ARHGAP31: variants seen among roughly 807,000 people sequenced by gnomAD.
ARHGAP31 encodes rho GTPase-activating protein 31.
In ARHGAP31, 34 loss-of-function variants were observed where a neutral mutation model predicts 113.9. That is an observed-to-expected ratio of 0.30 (90% CI 0.23 to 0.40). The LOEUF (loss-of-function observed/expected upper bound fraction) is 0.40. Among genes scored for constraint, ARHGAP31 ranks in the 10% least tolerant of loss-of-function variants. The pLI is 1.00. For synonymous variants in ARHGAP31, 650 were observed against 684.8 expected, an observed-to-expected ratio of 0.95 and a Z score of 0.79; for missense variants, 1,548 against 1,767.1, an observed-to-expected ratio of 0.88 and a Z score of 2.22.
chr3:119,399,752 T>C (rs1015168071), intron 9 of ARHGAP31, among the ~76,000 whole-genome samples: 1 of 152,268 alleles, frequency 6.6e-6, no homozygotes, highest in African/African-American at 2.4e-5. Flanking sequence ...TATTTATTCA[T>C]TCATTTATTA....
At position 119,382,765 on chromosome 3, in the gene ARHGAP31, A is replaced by G. The variant is rs373425593; in HGVS notation, c.540-319A>G. ...AGCTGCTCCATATGATTTCATAAAT[A>G]ATGACCTGCTCCATAGAACAGTTAG... On this transcript the variant is annotated intron_variant, in intron 5 of 11. Transcript: ENST00000264245. Among the ~76,000 whole-genome samples, 4 of 152,366 alleles carry G rather than the reference A, an allele frequency of 2.6e-5. No individual in the cohort carries two copies. In the East Asian group the frequency reaches 7.7e-4, roughly 29 times the overall value.
intron 1 of ARHGAP31, among the ~76,000 whole-genome samples, chr3:119,363,167 G>A (rs774297564): frequency 4.6e-5 from 7 of 152,182 alleles, no homozygotes; most frequent in Non-Finnish European, 8.8e-5. Flanking sequence ...GAGGTGTGGT[G>A]GGGAAAGAGT....
Position 119,416,225 on chromosome 3 carries a change from AG to A in ARHGAP31, c.4297del (p.Val1433Ter), listed in dbSNP as rs1191390866. On this transcript the variant is annotated frameshift_variant, in exon 12 of 12. Transcript: ENST00000264245. LOFTEE classifies it high-confidence loss of function. ...GTTTTTACCAGCCTCAGCGGAGATC[AG>A]TAATTCTGGATGGAAGAAGTGGGAG... The part of the protein sequence containing the change: ...SCFYQPQRRS[V>X]ILDGRSGRQI... The A allele has an allele frequency of 6.2e-7, 1 of 1,614,134 alleles. No homozygotes were observed. Among genetic ancestry groups the A allele is most frequent in the African/African-American group, 1.3e-5 (1 of 74,942 alleles).
At chr3:119,324,887 A>T (rs2079828394) in intron 1 of ARHGAP31, 1 of 454,798 alleles carries the variant, frequency 2.2e-6, no homozygotes, top group Non-Finnish European at 4.4e-6. Context: ...TTGGTCTCTC[A>T]GTTTGCAGAT....
At position 119,415,737 on chromosome 3, in the gene ARHGAP31, A is replaced by C; in HGVS notation, c.3808A>C (p.Ile1270Leu). 1 of 1,614,196 alleles carries C rather than the reference A, an allele frequency of 6.2e-7. No individual in the cohort carries two copies. Among genetic ancestry groups the C allele is most frequent in the South Asian group, 1.1e-5 (1 of 91,084 alleles). Residue 1270 changes from isoleucine to leucine, a missense_variant, in exon 12 of 12, where the codon ATT becomes CTT. Transcript: ENST00000264245. ...EEKPKQDPGA[I>L]KSSPVDATAP... ...AAAACCAAAGCAAGATCCCGGAGCC[A>C]TTAAGTCCTCACCAGTGGATGCCAC...
chr3:119,300,110 T>C (rs1424334019), intron 1 of ARHGAP31, among the ~76,000 whole-genome samples: 1 of 152,226 alleles, frequency 6.6e-6, no homozygotes, highest in Non-Finnish European at 1.5e-5. Context: ...ATCCCAACTT[T>C]GCTTGTTCCC....
intron 6 of ARHGAP31, among the ~76,000 whole-genome samples, chr3:119,388,503 G>A (rs2080474432): frequency 6.6e-6 from 1 of 152,034 alleles, no homozygotes; most frequent in Non-Finnish European, 1.5e-5. Flanking sequence ...AAGCCTTCCA[G>A]CTCCTGTGTG....
In ARHGAP31 at chr3:119,382,317, C is replaced by T; in HGVS notation, c.457C>T (p.Leu153=). The part of the protein sequence containing the change: ...YRTLEYLIRH[L]AHIASFSSKT... ...GACCTTGGAATACCTGATTCGACAC[C>T]TGGCCCATATCGCCTCCTTCAGCAG... Residue 153 remains leucine, a synonymous_variant, in exon 5 of 12, where the codon CTG becomes TTG. Coordinates refer to ENST00000264245, the MANE Select transcript of ARHGAP31 (RefSeq NM_020754.4). 1.2e-6 allele frequency: 2 copies of T among 1,614,170 alleles called. No individual in the cohort carries two copies. The highest frequency in any genetic ancestry group is 1.7e-6 in the Non-Finnish European group (2 of 1,180,020).
rs72966428 is a variant in ARHGAP31 at position 119,381,242 on chromosome 3, A to G, written c.431+256A>G. Among the ~76,000 whole-genome samples, 1,250 of 152,318 alleles carry G rather than the reference A, an allele frequency of 8.2e-3. 21 individuals carry two copies. Among genetic ancestry groups the G allele is most frequent in the African/African-American group, 0.029 (1,189 of 41,562 alleles). On this transcript the variant is annotated intron_variant, in intron 4 of 11. Coordinates refer to ENST00000264245, the MANE Select transcript of ARHGAP31 (RefSeq NM_020754.4). ...TCAGAATCTCTCAGGAAGTCATTCC[A>G]GTGATGCATACTAGCCTCTTGGTGG... is the stretch of plus-strand genomic sequence containing the variant.
rs2080781302 is a variant in ARHGAP31 at position 119,416,558 on chromosome 3, TCAG to T, written c.*295_*297del. The T allele has an allele frequency of 2.3e-6, 1 of 440,238 alleles. No homozygotes were observed. The highest frequency in any genetic ancestry group is 2.0e-5 in the African/African-American group (1 of 49,924). 27.3% of individuals were successfully genotyped at this position (440,238 alleles called of 1,614,324 possible). On this transcript the variant is annotated 3_prime_UTR_variant, in exon 12 of 12. Transcript: ENST00000264245. ...ATGAACTTTGGAGCTTGTATGTGAG[TCAG>T]ATTGCTCCCCTATTGCTATTATCTA...
rs777537877 is a variant in ARHGAP31, at chr3:119,383,121, G to A, written c.577G>A (p.Ala193Thr). ...EIEATGCNGD[A>T]AFLAVRVQQV... The stretch of plus-strand genomic sequence containing the variant: ...TGAAGCCACTGGTTGCAATGGAGAT[G>A]CAGCCTTCCTTGCAGTCCGGGTCCA... The change falls in exon 6 of 12, where the codon GCA (alanine) becomes ACA (threonine). Residue 193 changes from alanine to threonine, a missense_variant. Coordinates refer to ENST00000264245, the MANE Select transcript of ARHGAP31 (RefSeq NM_020754.4). The A allele has an allele frequency of 1.2e-6, 2 of 1,614,100 alleles. No individual in the cohort carries two copies. Among genetic ancestry groups the A allele is most frequent in the Non-Finnish European group, 1.7e-6 (2 of 1,180,052 alleles).
At position 119,415,158 on chromosome 3, in the gene ARHGAP31, G is replaced by GA. The variant is rs769105968; in HGVS notation, c.3230dup (p.Asp1077GlufsTer41). 1 of 1,614,206 alleles carries GA rather than the reference G, an allele frequency of 6.2e-7. No individual in the cohort carries two copies. The highest frequency in any genetic ancestry group is 1.1e-5 in the South Asian group (1 of 91,082). Reference sequence around the variant, plus strand: ...CAAGGAGAGTTCACCCAGCGTGCAGGACAGCACTTCGCCTGGAGAGCACCC... The same window carrying GA: ...CAAGGAGAGTTCACCCAGCGTGCAGGAACAGCACTTCGCCTGGAGAGCACCC... On this transcript the variant is annotated frameshift_variant, in exon 12 of 12. Coordinates refer to ENST00000264245, the MANE Select transcript of ARHGAP31 (RefSeq NM_020754.4). LOFTEE classifies it high-confidence loss of function.
chr3:119,373,293 G>A (rs918421883), intron 3 of ARHGAP31, among the ~76,000 whole-genome samples: 5 of 151,992 alleles, frequency 3.3e-5, no homozygotes, highest in East Asian at 1.9e-4. Flanking sequence ...ACAAGTAAGC[G>A]AAGGACCTTG....
intron 1 of ARHGAP31, among the ~76,000 whole-genome samples, chr3:119,336,155 A>C (rs2079944569): frequency 6.6e-6 from 1 of 152,230 alleles, no homozygotes; most frequent in South Asian, 2.1e-4. Flanking sequence ...AGCTTGGGTG[A>C]CAAGAGTGAA....
chr3:119,379,235 T>TA (rs2080374969), intron 3 of ARHGAP31, among the ~76,000 whole-genome samples: 2 of 152,128 alleles, frequency 1.3e-5, no homozygotes, highest in Non-Finnish European at 2.9e-5. Context: ...AGACAGACAA[T>TA]AAGCAATAAC....
intron 3 of ARHGAP31, among the ~76,000 whole-genome samples, chr3:119,369,538 T>C (rs1028350610): frequency 2.6e-5 from 4 of 152,226 alleles, no homozygotes; most frequent in Non-Finnish European, 5.9e-5. Flanking sequence ...ATGGCTCCTG[T>C]AATAAATTTG....
chr3:119,301,250 A>G (rs2079582084), intron 1 of ARHGAP31, among the ~76,000 whole-genome samples: 1 of 152,184 alleles, frequency 6.6e-6, no homozygotes, highest in Non-Finnish European at 1.5e-5. Context: ...GCCGCCATCC[A>G]GATGCCTTCC....
Position 119,328,535 on chromosome 3 carries a change from T to C in ARHGAP31, c.100+33531T>C, listed in dbSNP as rs375866920. Among the ~76,000 whole-genome samples, 6 of 152,364 alleles carry C rather than the reference T, an allele frequency of 3.9e-5. No individual in the cohort carries two copies. In the East Asian group the frequency reaches 1.2e-3, roughly 29 times the overall value. On this transcript the variant is annotated intron_variant, in intron 1 of 11. Coordinates refer to ENST00000264245, the MANE Select transcript of ARHGAP31 (RefSeq NM_020754.4). ...GCCGCTATACTGGGGAATTTCATTC[T>C]TCTTCTGGACAGTATTTCAAACTTT...
chr3:119,408,117 C>A (rs558678990), intron 10 of ARHGAP31, among the ~76,000 whole-genome samples: 1 of 152,022 alleles, frequency 6.6e-6, no homozygotes, highest in Non-Finnish European at 1.5e-5. Context: ...AAAAGATGTG[C>A]ATAGGTTATA....
Sources: allele counts gnomAD v4.1 joint callset (sites outside exome capture counted in the v4.1 genomes callset), GRCh38; gene constraint gnomAD v4.1.1; transcripts MANE v1.5; gene names NCBI Gene and HGNC (gene_info 2026-07-23, HGNC 2026-07-21).